The following ZBTB20 variants were observed in gnomAD, a reference collection of about 807,000 sequenced individuals.
ZBTB20 encodes the protein zinc finger and BTB domain containing 20.
Under a neutral mutation model 56.9 loss-of-function variants are expected in ZBTB20, and 9 were observed. The ratio of observed to expected loss-of-function variants is 0.16; its 90% CI spans 0.10 to 0.28. The LOEUF (loss-of-function observed/expected upper bound fraction) is 0.28, where lower values mean the gene tolerates loss of function less well. ZBTB20 is among the 10% of genes least tolerant of loss of function. The probability of loss-of-function intolerance (pLI) is 1.00; values close to 1 mark genes in which losing one functional copy is unlikely to be tolerated. For missense variants in ZBTB20, 655 were observed against 1,003.0 expected (o/e 0.65, Z 4.69); for synonymous variants, 417 against 420.7 (o/e 0.99, Z 0.11).
At chr3:114,915,925 T>C (rs755640250) in intron 3 of ZBTB20, among the ~76,000 whole-genome samples, 1 of 152,076 alleles carries the variant, frequency 6.6e-6, no homozygotes, top group Non-Finnish European at 1.5e-5. Flanking sequence ...GAGAAGATAT[T>C]TGATATTATT....
At chr3:115,105,167 A>G (rs1387373224) in intron 1 of ZBTB20, among the ~76,000 whole-genome samples, 7 of 147,540 alleles carry the variant, frequency 4.7e-5, no homozygotes, top group East Asian at 3.8e-4. Context: ...ATTTAAAAGG[A>G]CGGAATTGAA....
chr3:114,878,320 G>A (rs990807890), intron 4 of ZBTB20, among the ~76,000 whole-genome samples: 1 of 152,076 alleles, frequency 6.6e-6, no homozygotes, highest in African/African-American at 2.4e-5. Flanking sequence ...GCTCTCCAGT[G>A]AACAATGCAT....
At chr3:115,119,484 T>C (rs2084118987) in intron 1 of ZBTB20, among the ~76,000 whole-genome samples, 1 of 152,138 alleles carries the variant, frequency 6.6e-6, no homozygotes, top group Admixed American at 6.6e-5. Flanking sequence ...TATTATCTCA[T>C]CTAATATTCA....
At chr3:114,800,051 T>G (rs1196476947) in intron 5 of ZBTB20, among the ~76,000 whole-genome samples, 1 of 151,926 alleles carries the variant, frequency 6.6e-6, no homozygotes, top group East Asian at 1.9e-4. Context: ...TACAGTAGAC[T>G]CCACATCTGG....
intron 5 of ZBTB20, among the ~76,000 whole-genome samples, chr3:114,780,542 C>T (rs1374338137): frequency 2.0e-5 from 3 of 152,194 alleles, no homozygotes; most frequent in African/African-American, 7.2e-5. Flanking sequence ...GGCTGGAGTG[C>T]AGTGGTGCGA....
chr3:114,693,076 T>C (rs2062794205), intron 6 of ZBTB20, among the ~76,000 whole-genome samples: 1 of 152,114 alleles, frequency 6.6e-6, no homozygotes, highest in Admixed American at 6.6e-5. Flanking sequence ...CTAAATGTGT[T>C]TGGAGGGTTT....
intron 2 of ZBTB20, among the ~76,000 whole-genome samples, chr3:115,026,544 T>C (rs145865802): frequency 2.6e-3 from 395 of 150,980 alleles, no homozygotes; most frequent in Non-Finnish European, 4.0e-3. Flanking sequence ...CAACCCACTA[T>C]CATTAGCCTT....
chr3:114,685,481 T>C (rs1420597855), intron 6 of ZBTB20, among the ~76,000 whole-genome samples: 3 of 152,216 alleles, frequency 2.0e-5, no homozygotes, highest in Non-Finnish European at 4.4e-5. Flanking sequence ...GGTTTCACTC[T>C]TGTAGCTCTG....
chr3:114,839,464 AAAG>A (rs1277990341), intron 4 of ZBTB20, among the ~76,000 whole-genome samples: 27 of 149,708 alleles, frequency 1.8e-4, no homozygotes, highest in Admixed American at 1.1e-3. Flanking sequence ...AGAAAGAAAG[AAAG>A]AGAGAGAGAA....
intron 3 of ZBTB20, among the ~76,000 whole-genome samples, chr3:114,955,352 A>T (rs903923769): frequency 2.0e-5 from 3 of 152,194 alleles, no homozygotes; most frequent in Non-Finnish European, 2.9e-5. Context: ...CAGTTGCCTG[A>T]GTTCTGTTTA....
At chr3:114,418,475 T>C (rs577520469) in intron 7 of ZBTB20, among the ~76,000 whole-genome samples, 3 of 151,894 alleles carry the variant, frequency 2.0e-5, no homozygotes, top group African/African-American at 7.2e-5. Flanking sequence ...AGGCTCTCAA[T>C]AAACATTTGC....
chr3:115,063,652 AACACACACACAC>A lies in ZBTB20; in HGVS notation c.-507+7555_-507+7566del, dbSNP rs67995178. On this transcript the variant is annotated intron_variant, in intron 2 of 11. Coordinates refer to ENST00000675478, the MANE Select transcript of ZBTB20 (RefSeq NM_001348800.3). ...TATCATTTCTCATTATTGTCAAAGCAACACACACACACACACACACACACACACACAAACACA... is the reference window on the plus strand; with the variant it reads ...TATCATTTCTCATTATTGTCAAAGCAACACACACACACACACACAAACACA... Among the ~76,000 whole-genome samples, 7 of 149,628 alleles carry A rather than the reference AACACACACACAC, an allele frequency of 4.7e-5. No individual in the cohort carries two copies. The South Asian group carries it at 1.5e-3, about 32-fold the overall frequency.
intron 3 of ZBTB20, among the ~76,000 whole-genome samples, chr3:114,968,950 T>C (rs1560447877): frequency 6.6e-6 from 1 of 152,176 alleles, no homozygotes; most frequent in Non-Finnish European, 1.5e-5. Flanking sequence ...CAATTTTTAA[T>C]CTACAAGTCA....
intron 5 of ZBTB20, among the ~76,000 whole-genome samples, chr3:114,712,152 T>C (rs2064127196): frequency 6.6e-6 from 1 of 152,212 alleles, no homozygotes; most frequent in Non-Finnish European, 1.5e-5. Context: ...TATGGATTTC[T>C]ACCCTGTTTC....
intron 5 of ZBTB20, among the ~76,000 whole-genome samples, chr3:114,698,122 A>C (rs578155153): frequency 1.1e-4 from 16 of 152,280 alleles, no homozygotes; most frequent in Non-Finnish European, 1.9e-4. Flanking sequence ...TGGCTTACCC[A>C]ATCAAAAATA....
intron 1 of ZBTB20, among the ~76,000 whole-genome samples, chr3:115,119,036 G>A (rs1346800697): frequency 6.6e-6 from 1 of 152,020 alleles, no homozygotes; most frequent in Admixed American, 6.6e-5. Context: ...TGAAAAAATA[G>A]ATAATGTCTA....
At chr3:115,041,556 C>A (rs1344021883) in intron 2 of ZBTB20, among the ~76,000 whole-genome samples, 1 of 152,124 alleles carries the variant, frequency 6.6e-6, no homozygotes, top group Non-Finnish European at 1.5e-5. Context: ...ATTGTATATT[C>A]ATTAAGCCCA....
chr3:114,691,863 T>A (rs1049859221), intron 6 of ZBTB20, among the ~76,000 whole-genome samples: 1 of 152,172 alleles, frequency 6.6e-6, no homozygotes, highest in African/African-American at 2.4e-5. Context: ...TTAATGAGCA[T>A]GTATCATTTT....
chr3:114,694,807 G>C (rs910799920), intron 5 of ZBTB20, among the ~76,000 whole-genome samples: 9 of 152,028 alleles, frequency 5.9e-5, no homozygotes, highest in African/African-American at 2.2e-4. Flanking sequence ...CCCCTAAAAA[G>C]AACCTCTAGG....
Sources: gnomAD v4.1 joint callset for allele counts (sites outside exome capture counted in the v4.1 genomes callset) on GRCh38, gnomAD v4.1.1 for gene constraint, MANE v1.5 for transcripts, NCBI Gene and HGNC (gene_info 2026-07-23, HGNC 2026-07-21) for gene names.